RBMS3: variants seen among roughly 807,000 people sequenced by gnomAD.
RBMS3 encodes the protein RNA-binding motif, single-stranded-interacting protein 3.
In RBMS3, 27 loss-of-function variants were observed where a neutral mutation model predicts 66.8. That is an observed-to-expected ratio of 0.40 (90% CI 0.30 to 0.56). RBMS3 has a LOEUF of 0.56. Among genes scored for constraint, RBMS3 ranks in the 20% least tolerant of loss-of-function variants. The pLI is 0.40. For synonymous variants in RBMS3, 188 were observed against 183.0 expected (o/e 1.03, Z -0.22); for missense variants, 513 against 549.5 (o/e 0.93, Z 0.66).
chr3:29,309,904 T>C (rs192966711), intron 1 of RBMS3, among the ~76,000 whole-genome samples: 2 of 151,642 alleles, frequency 1.3e-5, no homozygotes, highest in African/African-American at 4.8e-5. Flanking sequence ...CCAACTTTTT[T>C]AAAAAAGTTT....
intron 3 of RBMS3, among the ~76,000 whole-genome samples, chr3:29,527,719 C>T (rs1320523968): frequency 1.3e-5 from 2 of 152,094 alleles, no homozygotes; most frequent in Admixed American, 1.3e-4. Flanking sequence ...ACAGAAATAG[C>T]AGATACATTG....
intron 6 of RBMS3, among the ~76,000 whole-genome samples, chr3:29,788,706 G>A (rs1487371177): frequency 6.6e-6 from 1 of 152,110 alleles, no homozygotes; most frequent in Non-Finnish European, 1.5e-5. Flanking sequence ...AAAAGTAAAT[G>A]TCTGTATCTT....
chr3:29,649,482 T>C (rs1283505765), intron 4 of RBMS3, among the ~76,000 whole-genome samples: 1 of 152,182 alleles, frequency 6.6e-6, no homozygotes, highest in Non-Finnish European at 1.5e-5. Flanking sequence ...GTGAAGTAAA[T>C]ATATGATTTT....
At chr3:29,727,666 C>T (rs912393677) in intron 4 of RBMS3, among the ~76,000 whole-genome samples, 3 of 152,192 alleles carry the variant, frequency 2.0e-5, no homozygotes, top group African/African-American at 4.8e-5. Flanking sequence ...GATACCATCT[C>T]ATGCCAGTTA....
intron 6 of RBMS3, among the ~76,000 whole-genome samples, chr3:29,798,803 A>G (rs1355052068): frequency 1.3e-5 from 2 of 152,090 alleles, no homozygotes; most frequent in East Asian, 3.9e-4. Flanking sequence ...ATTGTCCGAT[A>G]TTGTTGCAAC....
At chr3:29,674,687 T>C (rs1309837542) in intron 4 of RBMS3, among the ~76,000 whole-genome samples, 5 of 144,264 alleles carry the variant, frequency 3.5e-5, no homozygotes, top group African/African-American at 5.2e-5. Context: ...GGAATCCAAC[T>C]TACAAGGGAT....
intron 4 of RBMS3, among the ~76,000 whole-genome samples, chr3:29,640,661 C>T (rs948780569): frequency 6.6e-6 from 1 of 151,970 alleles, no homozygotes; most frequent in Non-Finnish European, 1.5e-5. Flanking sequence ...AATGATTTTA[C>T]ATTCATCTGT....
At chr3:29,994,399 C>T (rs992028555) in intron 14 of RBMS3, among the ~76,000 whole-genome samples, 52 of 152,014 alleles carry the variant, frequency 3.4e-4, no homozygotes, top group African/African-American at 1.2e-3. Context: ...ACAAAGCATC[C>T]CGGAAGCTCC....
At chr3:29,525,275 T>C (rs2045049020) in intron 3 of RBMS3, among the ~76,000 whole-genome samples, 1 of 150,780 alleles carries the variant, frequency 6.6e-6, no homozygotes, top group Non-Finnish European at 1.5e-5. Context: ...CCTTTAAAAA[T>C]GAAAAAATAA....
chr3:29,554,765 C>T (rs553228622), intron 3 of RBMS3, among the ~76,000 whole-genome samples: 16 of 152,234 alleles, frequency 1.1e-4, no homozygotes, highest in African/African-American at 3.6e-4. Context: ...TATGAGTCAT[C>T]TGGTACGGGT....
chr3:29,730,213 A>G (rs1380922267), intron 4 of RBMS3, among the ~76,000 whole-genome samples: 2 of 148,590 alleles, frequency 1.3e-5, no homozygotes, highest in African/African-American at 5.0e-5. Context: ...GATGTCTTAT[A>G]TTTTATTGGG....
At chr3:29,604,935 T>C (rs766373968) in intron 4 of RBMS3, among the ~76,000 whole-genome samples, 1 of 151,886 alleles carries the variant, frequency 6.6e-6, no homozygotes, top group Non-Finnish European at 1.5e-5. Flanking sequence ...CTTTGAGATA[T>C]CTTTTGGCAT....
chr3:29,896,366 T>TA lies in RBMS3; in HGVS notation c.792-1003dup, dbSNP rs532052597. Reference sequence around the variant, plus strand: ...TAAATTCCAAGCTCAGTCATACTATTAAAAAAAAAACAAAACATAGTAATT... The same window carrying TA: ...TAAATTCCAAGCTCAGTCATACTATTAAAAAAAAAAACAAAACATAGTAATT... On this transcript the variant is annotated intron_variant, in intron 8 of 14. Transcript: ENST00000383767. Among the ~76,000 whole-genome samples, 643 of 145,612 alleles carry TA rather than the reference T, an allele frequency of 4.4e-3. 5 individuals are homozygous for TA. Among genetic ancestry groups the TA allele is most frequent in the African/African-American group, 0.013 (514 of 39,876 alleles).
chr3:29,686,499 T>A (rs2051739820), intron 4 of RBMS3, among the ~76,000 whole-genome samples: 1 of 152,034 alleles, frequency 6.6e-6, no homozygotes, highest in African/African-American at 2.4e-5. Flanking sequence ...AGCCTGGGTA[T>A]CATAAGAGAC....
intron 1 of RBMS3, among the ~76,000 whole-genome samples, chr3:29,287,686 T>C (rs2032470846): frequency 6.6e-6 from 1 of 152,032 alleles, no homozygotes; most frequent in Admixed American, 6.6e-5. Context: ...GTTTTTGAAA[T>C]AATATTTGTT....
rs7616821 is a variant in RBMS3, at chr3:29,991,314, A to G, written c.1307+105A>G. On this transcript the variant is annotated intron_variant, in intron 14 of 14. Transcript: ENST00000383767. Reference sequence around the variant, plus strand: ...TTTGCTGAAATATAAACCATCCCAAACTTAGCAACAGGCATTTATTTAGCT... The same window carrying G: ...TTTGCTGAAATATAAACCATCCCAAGCTTAGCAACAGGCATTTATTTAGCT... 6,218 of 1,531,768 alleles carry G rather than the reference A, an allele frequency of 4.1e-3. 199 individuals are homozygous for G. In the African/African-American group the frequency reaches 0.073, roughly 18 times the overall value. The allele number at this position is 1,531,768 out of a possible 1,614,324, so 94.9% of individuals were successfully genotyped here.
chr3:29,520,262 T>G (rs1239742861), intron 3 of RBMS3, among the ~76,000 whole-genome samples: 1 of 152,214 alleles, frequency 6.6e-6, no homozygotes, highest in Non-Finnish European at 1.5e-5. Context: ...GTGCAGTATC[T>G]TGTTAATAAT....
intron 2 of RBMS3, among the ~76,000 whole-genome samples, chr3:29,484,736 G>T (rs1469751052): frequency 6.6e-6 from 1 of 152,076 alleles, no homozygotes; most frequent in Non-Finnish European, 1.5e-5. Flanking sequence ...CATTCCAACT[G>T]GGTCCCTAAA....
intron 10 of RBMS3, among the ~76,000 whole-genome samples, chr3:29,932,756 T>C (rs956274310): frequency 3.3e-5 from 5 of 152,192 alleles, no homozygotes; most frequent in African/African-American, 9.6e-5. Context: ...CTTTCAAACA[T>C]TGGCAGAAGG....
Sources: allele counts gnomAD v4.1 joint callset (sites outside exome capture counted in the v4.1 genomes callset), GRCh38; gene constraint gnomAD v4.1.1; transcripts MANE v1.5; gene names NCBI Gene and HGNC (gene_info 2026-07-23, HGNC 2026-07-21).